The following ALDH1L1 variants were observed in gnomAD, a reference collection of about 807,000 sequenced individuals.
ALDH1L1 encodes cytosolic 10-formyltetrahydrofolate dehydrogenase.
Under a neutral mutation model 101.1 loss-of-function variants are expected in ALDH1L1, and 68 were observed. The observed-to-expected ratio is 0.67, with a 90% CI of 0.55 to 0.82. The LOEUF (loss-of-function observed/expected upper bound fraction) is 0.82. Ranked by LOEUF, ALDH1L1 falls within the 40% of genes least tolerant of loss-of-function variation. The pLI is 0.00. For missense variants in ALDH1L1, 1,087 were observed against 1,172.7 expected (o/e 0.93, Z 1.07); for synonymous variants, 486 against 470.8 (o/e 1.03, Z -0.42).
chr3:126,130,186 A>T (rs749119697), intron 14 of ALDH1L1, 37 bp downstream of exon 14: 2 of 1,568,808 alleles, frequency 1.3e-6, no homozygotes, highest in Non-Finnish European at 1.7e-6. Context: ...CATGGAAAGC[A>T]CCGCGAGGCT....
intron 12 of ALDH1L1, among the ~76,000 whole-genome samples, chr3:126,133,021 G>A (rs1052593082): frequency 5.3e-5 from 8 of 152,190 alleles, no homozygotes; most frequent in African/African-American, 1.7e-4. Context: ...ATCACCTAGC[G>A]GCCGATAGAG....
rs78765927 is a variant in ALDH1L1, at chr3:126,121,031, G to A, written c.1889-2933C>T. On this transcript the variant is annotated intron_variant, in intron 16 of 22. Coordinates refer to ENST00000393434, the MANE Select transcript of ALDH1L1 (RefSeq NM_012190.4). The stretch of plus-strand genomic sequence containing the variant: ...AGTCAGTACAGGTAAAATTAGTTAA[G>A]ATGAGGTCACTGGGGTGGGCCCTGA... 3.9e-3 allele frequency among the ~76,000 whole-genome samples: 590 copies of A among 152,276 alleles called. 3 individuals are homozygous for A. The highest frequency in any genetic ancestry group is 0.013 in the African/African-American group (545 of 41,550).
Position 126,105,787 on chromosome 3 carries a change from G to T in ALDH1L1, c.2592C>A (p.Asn864Lys), listed in dbSNP as rs751304415. The change falls in exon 22 of 23, where the codon AAC (asparagine) becomes AAA (lysine). Residue 864 changes from asparagine to lysine, a missense_variant. Around this residue, in one of 2 missense-constraint regions of ALDH1L1, gnomAD observed 442 missense variants for 535.7 expected, o/e 0.83. Coordinates refer to ENST00000393434, the MANE Select transcript of ALDH1L1 (RefSeq NM_012190.4). ...CGAAGGGAGCGGCCACGTCGGTCTTGTTGTACGTGTTGACAAACACAGTGC... is the reference window on the plus strand; with the variant it reads ...CGAAGGGAGCGGCCACGTCGGTCTTTTTGTACGTGTTGACAAACACAGTGC... ...QAGTVFVNTYNKTDVAAPFGG... is the reference protein window; with the variant it reads ...QAGTVFVNTYKKTDVAAPFGG... The T allele has an allele frequency of 1.9e-6, 3 of 1,614,110 alleles. No individual in the cohort carries two copies. The highest frequency in any genetic ancestry group is 2.5e-6 in the Non-Finnish European group (3 of 1,180,058).
intron 1 of ALDH1L1, among the ~76,000 whole-genome samples, chr3:126,176,336 A>C (rs1414346551): frequency 6.6e-6 from 1 of 152,188 alleles, no homozygotes; most frequent in Non-Finnish European, 1.5e-5. Context: ...ACTGATTCTC[A>C]AGTTTATTTG....
intron 14 of ALDH1L1, among the ~76,000 whole-genome samples, chr3:126,126,420 A>C (rs2080185376): frequency 6.6e-6 from 1 of 152,186 alleles, no homozygotes; most frequent in Non-Finnish European, 1.5e-5. Flanking sequence ...GGACATCCAC[A>C]CAGAGCCCCG....
chr3:126,157,272 G>A (rs932963420), intron 4 of ALDH1L1, 71 bp downstream of exon 4: 6 of 1,503,050 alleles, frequency 4.0e-6, no homozygotes, highest in African/African-American at 2.8e-5. Flanking sequence ...CAGGAGCGGT[G>A]GGCTGGGTCT....
Position 126,109,982 on chromosome 3 carries a change from G to A in ALDH1L1, c.2309C>T (p.Ala770Val), listed in dbSNP as rs1448357393. 17 of 1,614,054 alleles carry A rather than the reference G, an allele frequency of 1.1e-5. No homozygotes were observed. Among genetic ancestry groups the A allele is most frequent in the Non-Finnish European group, 1.4e-5 (16 of 1,180,038 alleles). ...EYCQHGVKEG[A>V]TLVCGGNQVP... is the part of the protein sequence containing the mutation. ...CTGATTCCCGCCGCAGACCAGTGTG[G>A]CCCCTTCCTTCACGCCATGCTGGCA... is the stretch of plus-strand genomic sequence containing the variant. Residue 770 changes from alanine to valine, a missense_variant, in exon 20 of 23, where the codon GCC becomes GTC. This residue lies in a region of ALDH1L1 where 442 missense variants were observed against 535.7 expected (regional missense o/e 0.83). Coordinates refer to ENST00000393434, the MANE Select transcript of ALDH1L1 (RefSeq NM_012190.4).
At position 126,131,365 on chromosome 3, in the gene ALDH1L1, G is replaced by A; in HGVS notation, c.1623+19C>T. The stretch of plus-strand genomic sequence containing the variant: ...GCCAGTCTGCATGTGCTCACACTGG[G>A]TGGGAGCCTGGGCCCCACCTGGATC... On this transcript the variant is annotated intron_variant, in intron 13 of 22. Transcript: ENST00000393434. 6.3e-7 allele frequency: 1 copy of A among 1,583,340 alleles called. No individual in the cohort carries two copies. Among genetic ancestry groups the A allele is most frequent in the Non-Finnish European group, 8.6e-7 (1 of 1,156,642 alleles).
rs942699264 is a variant in ALDH1L1, at chr3:126,124,348, C to T, written c.1888+16G>A. On this transcript the variant is annotated intron_variant, in intron 16 of 22. Transcript: ENST00000393434. ...CTGCCAGAAGCCCTAGCCCTGCCCC[C>T]GACAATGGCTCTTACCAGATCCTGG... 8 of 1,604,518 alleles carry T rather than the reference C, an allele frequency of 5.0e-6. No individual in the cohort carries two copies. The highest frequency in any genetic ancestry group is 6.8e-6 in the Non-Finnish European group (8 of 1,175,630).
At position 126,154,616 on chromosome 3, in the gene ALDH1L1, T is replaced by A. The variant is rs564071539; in HGVS notation, c.658A>T (p.Ile220Phe). 6.2e-7 allele frequency: 1 copy of A among 1,614,070 alleles called. No homozygotes were observed. Among genetic ancestry groups the A allele is most frequent in the African/African-American group, 1.3e-5 (1 of 74,952 alleles). The change falls in exon 6 of 23, where the codon ATT becomes TTT. Residue 220 changes from isoleucine to phenylalanine, a missense_variant. Ile to Phe is a conservative substitution (Grantham distance 21). This residue lies in a region of ALDH1L1 where 645 missense variants were observed against 637.0 expected (regional missense o/e 1.01). Coordinates refer to ENST00000393434, the MANE Select transcript of ALDH1L1 (RefSeq NM_012190.4). ...KINWDQPAEA[I>F]HNWIRGNDKV... ...TCGTTCCCGCGGATCCAGTTGTGAA[T>A]GGCCTCTGCCGGCTGGTCCCAGTTG... is the stretch of plus-strand genomic sequence containing the variant.
At chr3:126,116,144 A>G (rs2079965981) in intron 17 of ALDH1L1, among the ~76,000 whole-genome samples, 1 of 152,004 alleles carries the variant, frequency 6.6e-6, no homozygotes, top group Non-Finnish European at 1.5e-5. Flanking sequence ...AGTCTCCCCA[A>G]AGTGCTGGGA....
At chr3:126,173,776 A>G (rs1313288934) in intron 1 of ALDH1L1, among the ~76,000 whole-genome samples, 1 of 152,238 alleles carries the variant, frequency 6.6e-6, no homozygotes, top group East Asian at 1.9e-4. Flanking sequence ...CCGTGCTACC[A>G]CTAATCAAAA....
At chr3:126,165,629 A>G (rs926879838) in intron 1 of ALDH1L1, among the ~76,000 whole-genome samples, 1 of 152,124 alleles carries the variant, frequency 6.6e-6, no homozygotes, top group Admixed American at 6.5e-5. Flanking sequence ...CAGCATTTCA[A>G]TCTTTTCCTA....
rs186673889 is a variant in ALDH1L1, at chr3:126,190,069, G to A, written c.-24+7666C>T. On this transcript the variant is annotated intron_variant, in intron 1 of 2. Coordinates refer to the ALDH1L1 transcript ENST00000509952. ...TTGCAGGAGATTCTTCTCCAGGGGC[G>A]CCCCAGAAAGGAAACACATTTCTAA... 2.1e-3 allele frequency among the ~76,000 whole-genome samples: 324 copies of A among 152,244 alleles called. 1 individual carries two copies. The highest frequency in any genetic ancestry group is 3.7e-3 in the Non-Finnish European group (254 of 68,018).
intron 11 of ALDH1L1, among the ~76,000 whole-genome samples, chr3:126,136,554 TCCTGCCA>T (rs2080449679): frequency 1.3e-5 from 2 of 152,050 alleles, no homozygotes; most frequent in African/African-American, 4.8e-5. Context: ...TTCCGAGCCC[TCCTGCCA>T]CCTGCCACCA....
At chr3:126,110,547 T>C (rs1291846121) in intron 19 of ALDH1L1, among the ~76,000 whole-genome samples, 1 of 152,054 alleles carries the variant, frequency 6.6e-6, no homozygotes, top group African/African-American at 2.4e-5. Context: ...ATAGTCCTGG[T>C]GCCAAAGTGG....
At chr3:126,187,569 C>G (rs1203963406) in intron 1 of ALDH1L1, among the ~76,000 whole-genome samples, 3 of 152,164 alleles carry the variant, frequency 2.0e-5, no homozygotes, top group Non-Finnish European at 4.4e-5. Flanking sequence ...CCTCAGTTTA[C>G]AGTGGGGCGA....
intron 8 of ALDH1L1, among the ~76,000 whole-genome samples, chr3:126,148,150 G>A (rs2108274346): frequency 6.6e-6 from 1 of 152,300 alleles, no homozygotes; most frequent in South Asian, 2.1e-4. Flanking sequence ...GCCACAAAGG[G>A]GCAGTGCGGC....
chr3:126,185,341 A>T (rs1339904188), upstream of ALDH1L1, among the ~76,000 whole-genome samples: 4 of 152,246 alleles, frequency 2.6e-5, no homozygotes, highest in African/African-American at 9.6e-5. Flanking sequence ...ATGAGCAAAG[A>T]GGAGGCAGGG....
Sources: allele counts gnomAD v4.1 joint callset (sites outside exome capture counted in the v4.1 genomes callset), GRCh38; gene constraint gnomAD v4.1.1; regional missense constraint gnomAD v4.1.1; transcripts MANE v1.5; gene names NCBI Gene and HGNC (gene_info 2026-07-23, HGNC 2026-07-21).